The following ADK variants were observed in gnomAD, a reference collection of about 807,000 sequenced individuals.
ADK encodes the protein N6,N6-dimethyladenosine kinase.
Under a neutral mutation model 44.7 loss-of-function variants are expected in ADK, and 24 were observed. The ratio of observed to expected loss-of-function variants is 0.54; its 90% CI spans 0.39 to 0.76. The LOEUF is 0.76. Among genes scored for constraint, ADK ranks in the 30% least tolerant of loss-of-function variants. ADK has a pLI of 0.00. For missense variants in ADK, 321 were observed against 425.1 expected (o/e 0.76, Z 2.15); for synonymous variants, 128 against 142.6 (o/e 0.90, Z 0.73).
At chr10:74,379,089 G>A (rs376123642) in intron 4 of ADK, among the ~76,000 whole-genome samples, 1 of 152,262 alleles carries the variant, frequency 6.6e-6, no homozygotes, top group East Asian at 1.9e-4. Flanking sequence ...ATAGACTATT[G>A]TAAAGATTTT....
chr10:74,549,208 TC>T (rs374956633), intron 7 of ADK, among the ~76,000 whole-genome samples: 7 of 152,186 alleles, frequency 4.6e-5, no homozygotes, highest in African/African-American at 1.7e-4. Context: ...ATACTTACAT[TC>T]TGAAATCACA....
chr10:74,617,620 G>A (rs531647169), intron 9 of ADK, among the ~76,000 whole-genome samples: 3 of 151,952 alleles, frequency 2.0e-5, no homozygotes, highest in Non-Finnish European at 4.4e-5. Context: ...TTTTGAGAGA[G>A]GGTCTCGTCT....
At chr10:74,405,807 T>C (rs12571589) in intron 6 of ADK, among the ~76,000 whole-genome samples, 2,717 of 152,278 alleles carry the variant, frequency 0.018, 69 homozygotes, top group African/African-American at 0.052. Flanking sequence ...CTGCTCTAGG[T>C]CTTTGAAACA....
intron 6 of ADK, among the ~76,000 whole-genome samples, chr10:74,430,727 G>T (rs1433403833): frequency 1.3e-5 from 2 of 151,970 alleles, no homozygotes; most frequent in Admixed American, 6.6e-5. Flanking sequence ...TGACTTGATG[G>T]TTAAGTTGAC....
chr10:74,691,971 C>T (rs932276828), intron 10 of ADK, among the ~76,000 whole-genome samples: 2 of 152,104 alleles, frequency 1.3e-5, no homozygotes, highest in Admixed American at 1.3e-4. Flanking sequence ...CAATCTCTTA[C>T]AAAACTAAAC....
At chr10:74,365,301 G>A (rs559928619) in intron 4 of ADK, among the ~76,000 whole-genome samples, 4 of 152,070 alleles carry the variant, frequency 2.6e-5, no homozygotes, top group Non-Finnish European at 5.9e-5. Context: ...AGCTAGCCCC[G>A]TTCATCCATT....
At chr10:74,621,431 G>A (rs988798113) in intron 9 of ADK, among the ~76,000 whole-genome samples, 1 of 152,106 alleles carries the variant, frequency 6.6e-6, no homozygotes, top group Non-Finnish European at 1.5e-5. Context: ...TGGTCTTTGT[G>A]TCTGTTTTTA....
At chr10:74,570,114 T>G (rs1299983969) in intron 7 of ADK, among the ~76,000 whole-genome samples, 1 of 152,052 alleles carries the variant, frequency 6.6e-6, no homozygotes, top group Non-Finnish European at 1.5e-5. Context: ...GAGGGCTCTG[T>G]TCTGTTCCAT....
intron 4 of ADK, among the ~76,000 whole-genome samples, chr10:74,324,315 C>A (rs563408242): frequency 6.6e-6 from 1 of 152,196 alleles, no homozygotes; most frequent in Non-Finnish European, 1.5e-5. Context: ...CAGTTGTGAG[C>A]CACTGTGCAC....
chr10:74,689,313 T>C (rs1329197161), intron 10 of ADK, among the ~76,000 whole-genome samples: 2 of 151,840 alleles, frequency 1.3e-5, no homozygotes, highest in Non-Finnish European at 2.9e-5. Flanking sequence ...AGAGAATACA[T>C]GTGTTAGGAA....
intron 3 of ADK, among the ~76,000 whole-genome samples, chr10:74,272,797 T>C (rs1239467726): frequency 6.6e-6 from 1 of 152,190 alleles, no homozygotes; most frequent in Non-Finnish European, 1.5e-5. Flanking sequence ...GCCAGCAATT[T>C]ACAAAGAAAG....
At chr10:74,334,900 C>G (rs893591303) in intron 4 of ADK, among the ~76,000 whole-genome samples, 1 of 152,132 alleles carries the variant, frequency 6.6e-6, no homozygotes, top group South Asian at 2.1e-4. Flanking sequence ...TCAGAGGCCT[C>G]TTTATGTGGG....
Position 74,349,646 on chromosome 10 carries a change from C to T in ADK, c.273+34901C>T, listed in dbSNP as rs144142689. Among the ~76,000 whole-genome samples, 9 of 152,100 alleles carry T rather than the reference C, an allele frequency of 5.9e-5. No homozygotes were observed. The East Asian group carries it at 7.7e-4, about 13-fold the overall frequency. On this transcript the variant is annotated intron_variant, in intron 4 of 10. Transcript: ENST00000539909. ...AATTGGATGAAGAGTCAAGATCCAT[C>T]GGTGTGCTGTATTCAGGAGACCCAT...
At chr10:74,267,499 G>T (rs1197436914) in intron 3 of ADK, among the ~76,000 whole-genome samples, 3 of 152,032 alleles carry the variant, frequency 2.0e-5, no homozygotes, top group Non-Finnish European at 4.4e-5. Context: ...GAATAATTAA[G>T]TGCATTATTT....
At chr10:74,681,096 T>C (rs1386035503) in intron 10 of ADK, among the ~76,000 whole-genome samples, 1 of 152,348 alleles carries the variant, frequency 6.6e-6, no homozygotes, top group East Asian at 1.9e-4. Flanking sequence ...TAAACAATGT[T>C]ACCATCATCT....
chr10:74,409,191 T>G (rs1227591107), intron 6 of ADK, among the ~76,000 whole-genome samples: 1 of 152,184 alleles, frequency 6.6e-6, no homozygotes, highest in African/African-American at 2.4e-5. Flanking sequence ...AGGATTTTGT[T>G]TAGAAATCTA....
At chr10:74,358,928 T>C (rs1310476228) in intron 4 of ADK, among the ~76,000 whole-genome samples, 1 of 152,096 alleles carries the variant, frequency 6.6e-6, no homozygotes, top group African/African-American at 2.4e-5. Context: ...TAAGTTACAG[T>C]GACTAAAATC....
At chr10:74,412,944 G>A (rs1844237712) in intron 6 of ADK, among the ~76,000 whole-genome samples, 2 of 152,122 alleles carry the variant, frequency 1.3e-5, no homozygotes, top group Non-Finnish European at 2.9e-5. Context: ...TGTAATCCCA[G>A]CTACTCAGGA....
chr10:74,441,363 A>G (rs999064933), intron 6 of ADK, among the ~76,000 whole-genome samples: 1 of 152,232 alleles, frequency 6.6e-6, no homozygotes. Context: ...ACACAGAGTT[A>G]CCATATGACC....
Sources: gnomAD v4.1 joint callset for allele counts (sites outside exome capture counted in the v4.1 genomes callset) on GRCh38, gnomAD v4.1.1 for gene constraint, MANE v1.5 for transcripts, NCBI Gene and HGNC (gene_info 2026-07-23, HGNC 2026-07-21) for gene names.